TRAIP: variants seen among roughly 807,000 people sequenced by gnomAD.
TRAIP encodes the protein E3 ubiquitin-protein ligase TRAIP.
TRAIP carries 37 observed loss-of-function variants against 65.0 expected under a neutral mutation model. That is an observed-to-expected ratio of 0.57 (90% CI 0.44 to 0.75). The LOEUF (loss-of-function observed/expected upper bound fraction) is 0.75. Among genes scored for constraint, TRAIP ranks in the 30% least tolerant of loss-of-function variants. TRAIP has a pLI of 0.00. For synonymous variants in TRAIP, 187 were observed against 219.1 expected, an observed-to-expected ratio of 0.85 and a Z score of 1.29; for missense variants, 481 against 579.4, an observed-to-expected ratio of 0.83 and a Z score of 1.74.
chr3:49,833,721 T>C (rs182782727), intron 10 of TRAIP, among the ~76,000 whole-genome samples: 209 of 152,298 alleles, frequency 1.4e-3, no homozygotes, highest in Admixed American at 3.9e-3. Flanking sequence ...CCTCGTGATC[T>C]GCCCACCTCG....
chr3:49,850,266 C>A (rs373597910), intron 1 of TRAIP, among the ~76,000 whole-genome samples: 1 of 151,938 alleles, frequency 6.6e-6, no homozygotes, highest in Admixed American at 6.6e-5. Context: ...TTTGGGAGGT[C>A]GAGGCGGGTG....
Position 49,848,150 on chromosome 3 carries a change from C to T in TRAIP, c.149G>A (p.Arg50Gln), listed in dbSNP as rs1162978165. 7 of 1,614,086 alleles carry T rather than the reference C, an allele frequency of 4.3e-6. No homozygotes were observed. The highest frequency in any genetic ancestry group is 3.3e-5 in the South Asian group (3 of 91,090). The part of the protein sequence containing the change: ...TAPSRTCPQC[R>Q]IQVGKRTIIN... ...CCACCCCAATACTCTCACCTGGATT[C>T]GGCACTGTGGGCAGGTCCGACTTGG... The change falls in exon 2 of 15, where the codon CGA becomes CAA. Residue 50 changes from arginine (R) to glutamine (Q), a missense_variant. Transcript: ENST00000331456.
chr3:49,842,658 G>A, intron 5 of TRAIP, 111 bp from the exon 6 acceptor site: 1 of 1,024,564 alleles, frequency 9.8e-7, no homozygotes, highest in Non-Finnish European at 1.5e-6. Context: ...TTTTGAAAAT[G>A]CTGATAACCA....
chr3:49,829,283 G>C, intron 14 of TRAIP, 58 bp from the exon 15 acceptor site: 1 of 1,613,908 alleles, frequency 6.2e-7, no homozygotes, highest in Non-Finnish European at 8.5e-7. Flanking sequence ...GGGCGAGAAA[G>C]GACTGCAATG....
In TRAIP at chr3:49,831,916, T is replaced by C. The variant is rs765712071; in HGVS notation, c.1037A>G (p.His346Arg). The C allele has an allele frequency of 1.3e-6, 2 of 1,571,038 alleles. No homozygotes were observed. Among genetic ancestry groups the C allele is most frequent in the Non-Finnish European group, 1.7e-6 (2 of 1,157,444 alleles). ...GACAGTGCCAGCGACTATCACTCACTGTGACTTCTCTAGGCAAAGTTTTTC... is the reference window on the plus strand; with the variant it reads ...GACAGTGCCAGCGACTATCACTCACCGTGACTTCTCTAGGCAAAGTTTTTC... The part of the protein sequence containing the change: ...YYEKLCLEKS[H>R]SPIQDVPKKI... Residue 346 changes from histidine to arginine, a missense_variant and splice_region_variant, in exon 11 of 15, where the codon CAC becomes CGC. His to Arg is a conservative substitution (Grantham distance 29). Transcript: ENST00000331456.
intron 10 of TRAIP, among the ~76,000 whole-genome samples, chr3:49,837,222 CAG>C (rs1261497974): frequency 6.6e-6 from 1 of 152,112 alleles, no homozygotes; most frequent in African/African-American, 2.4e-5. Context: ...ACAAAGAAGA[CAG>C]GGCAATGCCG....
intron 5 of TRAIP, chr3:49,843,097 C>CA (rs1260954449): frequency 6.4e-6 from 1 of 155,348 alleles, no homozygotes; most frequent in African/African-American, 2.4e-5. Flanking sequence ...CCATGTGATC[C>CA]AGCCCAGCCC....
At position 49,830,046 on chromosome 3, in the gene TRAIP, TG is replaced by T. The variant is rs1253993214; in HGVS notation, c.1059del (p.Lys354ArgfsTer41). ...EKSHSPIQDV[P>X]KKICKGPRKE... ...TTCCTGGGGCCTTTGCATATCTTCT[TG>T]GGGACATCCTGAATTGGGGAGCTAC... On this transcript the variant is annotated frameshift_variant, in exon 12 of 15. Coordinates refer to ENST00000331456, the MANE Select transcript of TRAIP (RefSeq NM_005879.3). LOFTEE classifies it high-confidence loss of function. 1 of 1,614,126 alleles carries T rather than the reference TG, an allele frequency of 6.2e-7. No homozygotes were observed. Among genetic ancestry groups the T allele is most frequent in the Non-Finnish European group, 8.5e-7 (1 of 1,180,012 alleles).
chr3:49,833,797 A>G (rs1038132903), intron 10 of TRAIP, among the ~76,000 whole-genome samples: 1 of 152,042 alleles, frequency 6.6e-6, no homozygotes, highest in African/African-American at 2.4e-5. Flanking sequence ...GACTGTTTCT[A>G]TATTCTTCTT....
intron 11 of TRAIP, 135 bp downstream of exon 11, chr3:49,831,781 G>C: frequency 9.8e-7 from 1 of 1,017,820 alleles, no homozygotes; most frequent in Non-Finnish European, 1.3e-6. Context: ...GAGGTAGCTG[G>C]AACCAAAGCC....
intron 3 of TRAIP, among the ~76,000 whole-genome samples, chr3:49,847,180 A>AAAATAAAT (rs56321532): frequency 0.015 from 2,156 of 144,368 alleles, 49 homozygotes; most frequent in African/African-American, 0.034. Context: ...ACTTCATCTC[A>AAAATAAAT]AAATAAATAA....
chr3:49,841,159 C>A lies in TRAIP; in HGVS notation c.618-87G>T, dbSNP rs539413651. The A allele has an allele frequency of 2.8e-4, 316 of 1,110,232 alleles. 4 individuals carry two copies. The South Asian group carries it at 3.9e-3, about 14-fold the overall frequency. 68.8% of individuals were successfully genotyped at this position (1,110,232 alleles called of 1,614,324 possible). A position where few individuals can be genotyped will look rare whatever the true frequency, so the allele number is the denominator to read the frequency against. ...AGCACTAATCTAACACAAAGCACTG[C>A]CCAACCCCTCAACTCACTCTCATTC... On this transcript the variant is annotated intron_variant, in intron 7 of 14. Coordinates refer to ENST00000331456, the MANE Select transcript of TRAIP (RefSeq NM_005879.3).
rs750770315 is a variant in TRAIP, at chr3:49,831,924, C to T, written c.1029G>A (p.Glu343=). 1.3e-6 allele frequency: 2 copies of T among 1,582,362 alleles called. No individual in the cohort carries two copies. Among genetic ancestry groups the T allele is most frequent in the Non-Finnish European group, 1.7e-6 (2 of 1,163,754 alleles). Residue 343 remains glutamate (E), a synonymous_variant, in exon 11 of 15, where the codon GAG becomes GAA. Coordinates refer to ENST00000331456, the MANE Select transcript of TRAIP (RefSeq NM_005879.3). ...CAGCGACTATCACTCACTGTGACTT[C>T]TCTAGGCAAAGTTTTTCGTAGTAAC... ...QHGYYEKLCL[E]KSHSPIQDVP...
intron 11 of TRAIP, among the ~76,000 whole-genome samples, chr3:49,830,798 G>C (rs1225246949): frequency 1.3e-5 from 2 of 152,250 alleles, no homozygotes; most frequent in Admixed American, 6.5e-5. Context: ...AAGGACAAGA[G>C]TGGGATCAGG....
At chr3:49,838,915 G>A (rs972664381) in intron 10 of TRAIP, among the ~76,000 whole-genome samples, 4 of 151,614 alleles carry the variant, frequency 2.6e-5, no homozygotes, top group African/African-American at 4.9e-5. Context: ...ACTGGGCTGG[G>A]CGCAGTGGCT....
At chr3:49,852,251 C>T (rs2081938845) in intron 1 of TRAIP, among the ~76,000 whole-genome samples, 1 of 151,652 alleles carries the variant, frequency 6.6e-6, no homozygotes, top group African/African-American at 2.4e-5. Flanking sequence ...CCTGTAATCC[C>T]AGCTACTCGG....
At chr3:49,830,733 C>T (rs1011261040) in intron 11 of TRAIP, among the ~76,000 whole-genome samples, 11 of 152,212 alleles carry the variant, frequency 7.2e-5, no homozygotes, top group African/African-American at 2.7e-4. Flanking sequence ...TGGCATTTTC[C>T]CTGGTGGGTG....
intron 8 of TRAIP, among the ~76,000 whole-genome samples, 174 bp downstream of exon 8, chr3:49,840,811 C>G (rs1431907887): frequency 6.6e-6 from 1 of 152,180 alleles, no homozygotes; most frequent in Non-Finnish European, 1.5e-5. Context: ...AGTGGACAAG[C>G]CACATATTCA....
rs555588267 is a variant in TRAIP, at chr3:49,832,107, G to A, written c.885-39C>T. The stretch of plus-strand genomic sequence containing the variant: ...TGACCTGGTTACTTGGGGCCACAGT[G>A]GTAACCCAGGACAACAGCTCCTGAA... On this transcript the variant is annotated intron_variant, in intron 10 of 14. Transcript: ENST00000331456. 3.9e-6 allele frequency: 6 copies of A among 1,527,620 alleles called. No homozygotes were observed. The South Asian group carries it at 5.1e-5, about 13-fold the overall frequency. The allele number at this position is 1,527,620 out of a possible 1,614,324, so 94.6% of individuals were successfully genotyped here. A position where few individuals can be genotyped will look rare whatever the true frequency, so the allele number is the denominator to read the frequency against.
Sources: gnomAD v4.1 joint callset for allele counts (sites outside exome capture counted in the v4.1 genomes callset) on GRCh38, gnomAD v4.1.1 for gene constraint, MANE v1.5 for transcripts, NCBI Gene and HGNC (gene_info 2026-07-23, HGNC 2026-07-21) for gene names.